The following RTKN2 variants were observed in gnomAD, a reference collection of about 807,000 sequenced individuals.
RTKN2 encodes the protein rhotekin 2, also known as rhotekin-2.
RTKN2 carries 69 observed loss-of-function variants against 71.5 expected under a neutral mutation model. That is an observed-to-expected ratio of 0.96 (90% confidence interval 0.79 to 1.18). The LOEUF (loss-of-function observed/expected upper bound fraction) is 1.18, where lower values mean the gene tolerates loss of function less well. RTKN2 is among the 50% of genes most tolerant of loss of function. The pLI is 0.00. For synonymous variants in RTKN2, 236 were observed against 236.5 expected (o/e 1.00, Z 0.02); for missense variants, 724 against 719.7 (o/e 1.01, Z -0.07).
At chr10:62,260,968 A>T (rs1418972741) in intron 2 of RTKN2, among the ~76,000 whole-genome samples, 1 of 152,212 alleles carries the variant, frequency 6.6e-6, no homozygotes, top group African/African-American at 2.4e-5. Flanking sequence ...ATCCCCAGGA[A>T]TAAGAAAGCA....
chr10:62,199,696 A>G, intron 11 of RTKN2, 58 bp downstream of exon 11: 5 of 995,476 alleles, frequency 5.0e-6, no homozygotes, highest in Non-Finnish European at 7.9e-6. Flanking sequence ...AAGCTGCTTC[A>G]GTATGGACAA....
At chr10:62,210,451 A>ATTATTTTTT (rs1841636312) in intron 9 of RTKN2, among the ~76,000 whole-genome samples, 1 of 152,212 alleles carries the variant, frequency 6.6e-6, no homozygotes, top group Non-Finnish European at 1.5e-5. Context: ...ATAATTAAAA[A>ATTATTTTTT]ATAAAATACA....
intron 3 of RTKN2, among the ~76,000 whole-genome samples, chr10:62,243,533 C>A (rs1842421729): frequency 6.6e-6 from 1 of 152,212 alleles, no homozygotes; most frequent in South Asian, 2.1e-4. Flanking sequence ...TTGCTGTACA[C>A]CCACAACCTG....
chr10:62,234,374 A>G (rs1842212087), intron 6 of RTKN2, among the ~76,000 whole-genome samples: 1 of 151,994 alleles, frequency 6.6e-6, no homozygotes, highest in Non-Finnish European at 1.5e-5. Flanking sequence ...GAAAAATACA[A>G]AAATTAGCCA....
At chr10:62,249,399 A>C in intron 2 of RTKN2, among the ~76,000 whole-genome samples, 1 of 127,214 alleles carries the variant, frequency 7.9e-6, no homozygotes, top group African/African-American at 3.0e-5. Context: ...TGGTGGGGGC[A>C]GTGGGAAGGG....
At position 62,195,494 on chromosome 10, in the gene RTKN2, G is replaced by C; in HGVS notation, c.*2414C>G. ...GGAAGGGAGGAAGGAGAGACAGAAG[G>C]AAAGTGGGAAAAGGGGATGAGACAG... is the stretch of plus-strand genomic sequence containing the variant. On this transcript the variant is annotated 3_prime_UTR_variant, in exon 12 of 12. Transcript: ENST00000373789. 2 of 905,810 alleles carry C rather than the reference G, an allele frequency of 2.2e-6. No individual in the cohort carries two copies. Among genetic ancestry groups the C allele is most frequent in the Non-Finnish European group, 2.6e-6 (2 of 757,692 alleles). The allele number at this position is 905,810 out of a possible 1,614,324, so 56.1% of individuals were successfully genotyped here.
intron 3 of RTKN2, among the ~76,000 whole-genome samples, chr10:62,241,713 A>G (rs1202946946): frequency 6.6e-6 from 1 of 151,896 alleles, no homozygotes; most frequent in Non-Finnish European, 1.5e-5. Flanking sequence ...CATGTAGCTG[A>G]GATTACAGGT....
chr10:62,213,376 C>T (rs982366878), intron 9 of RTKN2, among the ~76,000 whole-genome samples: 7 of 152,034 alleles, frequency 4.6e-5, no homozygotes, highest in Non-Finnish European at 7.4e-5. Context: ...CTTGTCTGAT[C>T]GACCATAAAA....
chr10:62,218,372 T>G, intron 7 of RTKN2, 71 bp from the exon 8 acceptor site: 2 of 1,032,324 alleles, frequency 1.9e-6, no homozygotes, highest in Non-Finnish European at 2.9e-6. Context: ...TCATACATTT[T>G]GATTTTTCTC....
At position 62,197,354 on chromosome 10, in the gene RTKN2, A is replaced by G. The variant is rs930366138; in HGVS notation, c.*554T>C. On this transcript the variant is annotated 3_prime_UTR_variant, in exon 12 of 12. Coordinates refer to ENST00000373789, the MANE Select transcript of RTKN2 (RefSeq NM_145307.4). The stretch of plus-strand genomic sequence containing the variant: ...TGAAGAATTTAATATTCTAAAATTT[A>G]TCCCAGGAATTTAAAAGGTCAGGCC... The G allele has an allele frequency of 3.2e-5, 32 of 985,038 alleles. No individual in the cohort carries two copies. In the African/African-American group the frequency reaches 5.6e-4, roughly 17 times the overall value. 61.0% of individuals were successfully genotyped at this position (985,038 alleles called of 1,614,324 possible). A position where few individuals can be genotyped will look rare whatever the true frequency, so the allele number is the denominator to read the frequency against.
At chr10:62,205,077 A>C (rs1841522914) in intron 9 of RTKN2, 55 bp from the exon 10 acceptor site, 1 of 1,381,654 alleles carries the variant, frequency 7.2e-7, no homozygotes, top group Non-Finnish European at 9.9e-7. Context: ...TGTAATGATC[A>C]AACAAATGTT....
intron 9 of RTKN2, among the ~76,000 whole-genome samples, chr10:62,210,865 T>C (rs1042347128): frequency 4.6e-5 from 7 of 152,088 alleles, no homozygotes; most frequent in African/African-American, 1.7e-4. Context: ...ATCTGAATAG[T>C]TGATATGATT....
intron 10 of RTKN2, among the ~76,000 whole-genome samples, chr10:62,200,930 G>A (rs1186325887): frequency 6.6e-6 from 1 of 151,942 alleles, no homozygotes; most frequent in Non-Finnish European, 1.5e-5. Context: ...TTTGAGTGTG[G>A]ACATTAATTT....
In RTKN2 at chr10:62,256,700, GTGTC is replaced by G. The variant is rs952982740; in HGVS notation, c.257+5921_257+5924del. ...TATGTGTATTTGTGTATGCGTGTGT[GTGTC>G]TGTGTGTGTATAGAAAAAATGGTAG... On this transcript the variant is annotated intron_variant, in intron 2 of 11. Transcript: ENST00000373789. Among the ~76,000 whole-genome samples the G allele has an allele frequency of 1.6e-3, 245 of 152,026 alleles. 1 individual carries two copies. Among genetic ancestry groups the G allele is most frequent in the African/African-American group, 5.7e-3 (235 of 41,488 alleles).
chr10:62,188,875 G>A (rs1255130576), downstream of RTKN2, among the ~76,000 whole-genome samples: 2 of 151,854 alleles, frequency 1.3e-5, no homozygotes, highest in African/African-American at 4.8e-5. Context: ...AGCCTCCTGA[G>A]TAGCTGGGAC....
In RTKN2 at chr10:62,252,666, G is replaced by A. The variant is rs529762436; in HGVS notation, c.258-6609C>T. Among the ~76,000 whole-genome samples, 7 of 151,644 alleles carry A rather than the reference G, an allele frequency of 4.6e-5. No homozygotes were observed. The East Asian group carries it at 1.4e-3, about 29-fold the overall frequency. On this transcript the variant is annotated intron_variant, in intron 2 of 11. Transcript: ENST00000373789. ...AAGCTCATTGATCTTGACATAGATAGTAGCTGGAAAAAAATGATATTACTA... is the reference window on the plus strand; with the variant it reads ...AAGCTCATTGATCTTGACATAGATAATAGCTGGAAAAAAATGATATTACTA...
At chr10:62,264,416 T>C (rs1842832346) in intron 1 of RTKN2, among the ~76,000 whole-genome samples, 1 of 152,250 alleles carries the variant, frequency 6.6e-6, no homozygotes, top group Non-Finnish European at 1.5e-5. Context: ...TTTTCCTTCA[T>C]TACACATGAC....
At chr10:62,224,720 TTC>T (rs1841983641) in intron 6 of RTKN2, among the ~76,000 whole-genome samples, 1 of 152,006 alleles carries the variant, frequency 6.6e-6, no homozygotes, top group Non-Finnish European at 1.5e-5. Context: ...GGGAAGGACT[TTC>T]TGAGGAGTTA....
chr10:62,195,869 C>T lies in RTKN2; in HGVS notation c.*2039G>A. On this transcript the variant is annotated 3_prime_UTR_variant, in exon 12 of 12. Transcript: ENST00000373789. ...AAATGGTTCTAGGTAAAAAGGGCTTCAGTCCTGTTTCAAAGTTCTACTCTG... is the reference window on the plus strand; with the variant it reads ...AAATGGTTCTAGGTAAAAAGGGCTTTAGTCCTGTTTCAAAGTTCTACTCTG... The T allele has an allele frequency of 1.0e-6, 1 of 985,334 alleles. No homozygotes were observed. Among genetic ancestry groups the T allele is most frequent in the Non-Finnish European group, 1.2e-6 (1 of 829,916 alleles). 61.0% of individuals were successfully genotyped at this position (985,334 alleles called of 1,614,324 possible). A position where few individuals can be genotyped will look rare whatever the true frequency, so the allele number is the denominator to read the frequency against.
Sources: allele counts gnomAD v4.1 joint callset (sites outside exome capture counted in the v4.1 genomes callset), GRCh38; gene constraint gnomAD v4.1.1; transcripts MANE v1.5; gene names NCBI Gene and HGNC (gene_info 2026-07-23, HGNC 2026-07-21).